The following PELI2 variants were observed in gnomAD, a reference collection of about 807,000 sequenced individuals.
The protein encoded by PELI2 is E3 ubiquitin-protein ligase pellino homolog 2.
PELI2 carries 23 observed loss-of-function variants against 42.3 expected under a neutral mutation model. The observed-to-expected ratio is 0.54, with a 90% CI of 0.39 to 0.77. PELI2 has a LOEUF of 0.77. PELI2 is among the 30% of genes least tolerant of loss of function. The pLI, the probability that PELI2 is intolerant of heterozygous loss-of-function variation, is 0.00. For missense variants in PELI2, 463 were observed against 553.2 expected, an observed-to-expected ratio of 0.84 and a Z score of 1.64; for synonymous variants, 245 against 212.2, an observed-to-expected ratio of 1.15 and a Z score of -1.34.
At chr14:56,275,330 C>T (rs1048974408) in intron 2 of PELI2, among the ~76,000 whole-genome samples, 3 of 152,074 alleles carry the variant, frequency 2.0e-5, no homozygotes, top group African/African-American at 4.8e-5. Flanking sequence ...CTCCACGGAC[C>T]GGGGAGGCAC....
At chr14:56,125,386 G>T (rs1185009995) in intron 1 of PELI2, among the ~76,000 whole-genome samples, 1 of 140,130 alleles carries the variant, frequency 7.1e-6, no homozygotes, top group African/African-American at 2.6e-5. Flanking sequence ...ACTAAAGCAG[G>T]ATAAGGAGGA....
chr14:56,245,712 T>C (rs753160802), intron 2 of PELI2, among the ~76,000 whole-genome samples: 2 of 152,190 alleles, frequency 1.3e-5, no homozygotes, highest in Non-Finnish European at 2.9e-5. Context: ...GTTCTGCATC[T>C]GCAGATCCAA....
chr14:56,167,032 G>T (rs560192592), intron 1 of PELI2, among the ~76,000 whole-genome samples: 1 of 151,992 alleles, frequency 6.6e-6, no homozygotes, highest in African/African-American at 2.4e-5. Context: ...CTCATGATCC[G>T]CCCGCCTCAG....
At chr14:56,128,716 G>A (rs1161354776) in intron 1 of PELI2, among the ~76,000 whole-genome samples, 1 of 152,118 alleles carries the variant, frequency 6.6e-6, no homozygotes, top group African/African-American at 2.4e-5. Flanking sequence ...TTGGGGTATT[G>A]TTGGGGTATT....
At chr14:56,159,629 G>A (rs1011485641) in intron 1 of PELI2, among the ~76,000 whole-genome samples, 3 of 151,580 alleles carry the variant, frequency 2.0e-5, no homozygotes, top group Non-Finnish European at 4.4e-5. Flanking sequence ...AATTACTGCA[G>A]GGCAATACTT....
Position 56,182,294 on chromosome 14 carries a change from G to A in PELI2, c.207+3830G>A, listed in dbSNP as rs568698852. 7.9e-5 allele frequency among the ~76,000 whole-genome samples: 12 copies of A among 152,202 alleles called. No homozygotes were observed. The East Asian group carries it at 2.1e-3, about 27-fold the overall frequency. ...TTTTAAATAAGGGGAAATATTGAAGGGTGTGAAGCAGAGGGAGTGACATGA... is the reference window on the plus strand; with the variant it reads ...TTTTAAATAAGGGGAAATATTGAAGAGTGTGAAGCAGAGGGAGTGACATGA... On this transcript the variant is annotated intron_variant, in intron 2 of 5. Coordinates refer to ENST00000267460, the MANE Select transcript of PELI2 (RefSeq NM_021255.3).
chr14:56,175,784 G>C (rs557828921), intron 1 of PELI2, among the ~76,000 whole-genome samples: 2 of 152,072 alleles, frequency 1.3e-5, no homozygotes, highest in Non-Finnish European at 2.9e-5. Flanking sequence ...GTTGTAACTC[G>C]TGGAAATCAA....
Position 56,296,922 on chromosome 14 carries a change from CTG to C in PELI2, c.1022_1023del (p.Val341GlyfsTer11). ...GAGAGGGAGTGTCCCATGTGCAGGACTGTGGGCCCCTATGTGCCTCTCTGGCT... is the reference window on the plus strand; with the variant it reads ...GAGAGGGAGTGTCCCATGTGCAGGACTGGGCCCCTATGTGCCTCTCTGGCT... On this transcript the variant is annotated frameshift_variant, in exon 6 of 6. Transcript: ENST00000267460. LOFTEE classifies it high-confidence loss of function. The C allele has an allele frequency of 6.2e-7, 1 of 1,614,146 alleles. No homozygotes were observed.
rs574069007 is a variant in PELI2, at chr14:56,219,187, G to GTTTA, written c.207+40739_207+40742dup. Among the ~76,000 whole-genome samples, 179 of 151,384 alleles carry GTTTA rather than the reference G, an allele frequency of 1.2e-3. No individual in the cohort carries two copies. The highest frequency in any genetic ancestry group is 7.2e-3 in the East Asian group (37 of 5,158). ...ATGACTTGAGGACAATAAGGTGTTT[G>GTTTA]TTTATTTATTTATTTATTTTGGTTT... On this transcript the variant is annotated intron_variant, in intron 2 of 5. Transcript: ENST00000267460. The surrounding 1 kb of genome is among the most constrained non-coding windows in gnomAD (Gnocchi z 4.1).
rs1491572986 is a variant in PELI2 at position 56,298,116 on chromosome 14, C to CT, written c.*953dup. 6.7e-6 allele frequency: 1 copy of CT among 149,922 alleles called. No homozygotes were observed. The highest frequency in any genetic ancestry group is 1.5e-5 in the Non-Finnish European group (1 of 67,436). The allele number at this position is 149,922 out of a possible 1,614,324, so 9.3% of individuals were successfully genotyped here. ...ATAAAGCTTGGGGTTTTTTTTTTTC[C>CT]TTTGTTAAGAAAGCCAACCAATCAC... On this transcript the variant is annotated 3_prime_UTR_variant, in exon 6 of 6. Transcript: ENST00000267460.
At chr14:56,151,986 C>G (rs906232798) in intron 1 of PELI2, among the ~76,000 whole-genome samples, 3 of 152,164 alleles carry the variant, frequency 2.0e-5, no homozygotes, top group African/African-American at 7.2e-5. Flanking sequence ...GACCCAGCTT[C>G]CATTCATGCT....
At chr14:56,227,111 A>T (rs10147472) in intron 2 of PELI2, among the ~76,000 whole-genome samples, 20 of 152,392 alleles carry the variant, frequency 1.3e-4, no homozygotes, top group African/African-American at 4.8e-4. Flanking sequence ...AAAGATAGTT[A>T]CCAAGTTCTC....
At chr14:56,124,865 T>C (rs546169709) in intron 1 of PELI2, among the ~76,000 whole-genome samples, 18 of 152,202 alleles carry the variant, frequency 1.2e-4, no homozygotes, top group Non-Finnish European at 2.2e-4. Flanking sequence ...AGAAACACTC[T>C]TTATGGCTAG....
At chr14:56,268,147 A>G (rs1888972766) in intron 2 of PELI2, among the ~76,000 whole-genome samples, 1 of 152,220 alleles carries the variant, frequency 6.6e-6, no homozygotes, top group Non-Finnish European at 1.5e-5. Flanking sequence ...CAAGTTATGT[A>G]CCTTGTTTTA....
At position 56,299,290 on chromosome 14, in the gene PELI2, C is replaced by A. The variant is rs935367789; in HGVS notation, c.*2124C>A. 2 of 152,204 alleles carry A rather than the reference C, an allele frequency of 1.3e-5. No homozygotes were observed. The highest frequency in any genetic ancestry group is 4.8e-5 in the African/African-American group (2 of 41,446). The allele number at this position is 152,204 out of a possible 1,614,324, so 9.4% of individuals were successfully genotyped here. A position where few individuals can be genotyped will look rare whatever the true frequency, so the allele number is the denominator to read the frequency against. The stretch of plus-strand genomic sequence containing the variant: ...GTTTATAAGTCTAGTCATTCTGCAA[C>A]GTGACATATCCCCCAAAATGAAGTT... On this transcript the variant is annotated 3_prime_UTR_variant, in exon 6 of 6. Coordinates refer to ENST00000267460, the MANE Select transcript of PELI2 (RefSeq NM_021255.3).
intron 2 of PELI2, among the ~76,000 whole-genome samples, chr14:56,205,577 G>A (rs1409617082): frequency 6.6e-6 from 1 of 152,140 alleles, no homozygotes; most frequent in African/African-American, 2.4e-5. Context: ...TGGAAGCTTA[G>A]ATAAAGGCAG....
chr14:56,126,195 G>T (rs1437821802), intron 1 of PELI2, among the ~76,000 whole-genome samples: 1 of 152,196 alleles, frequency 6.6e-6, no homozygotes, highest in Admixed American at 6.5e-5. Flanking sequence ...TCCACCAGCT[G>T]CTCGGAGCTG....
In PELI2 at chr14:56,118,746, T is replaced by C; in HGVS notation, c.77+9T>C. 2 of 1,486,982 alleles carry C rather than the reference T, an allele frequency of 1.3e-6. No individual in the cohort carries two copies. The highest frequency in any genetic ancestry group is 1.8e-6 in the Non-Finnish European group (2 of 1,110,718). The allele number at this position is 1,486,982 out of a possible 1,614,324, so 92.1% of individuals were successfully genotyped here. A position where few individuals can be genotyped will look rare whatever the true frequency, so the allele number is the denominator to read the frequency against. ...GAGCTGGTGGTGCTCGGGTGAGTCCTGGGGTCCCTGGTCCCGGGCAGCGGC... is the reference window on the plus strand; with the variant it reads ...GAGCTGGTGGTGCTCGGGTGAGTCCCGGGGTCCCTGGTCCCGGGCAGCGGC... On this transcript the variant is annotated intron_variant, in intron 1 of 5. Transcript: ENST00000267460.
intron 2 of PELI2, among the ~76,000 whole-genome samples, chr14:56,249,770 G>A (rs1222871362): frequency 1.3e-5 from 2 of 152,214 alleles, no homozygotes; most frequent in Admixed American, 1.3e-4. Flanking sequence ...GAGACTGAGA[G>A]TGACTGACAC....
Sources: gnomAD v4.1 joint callset for allele counts (sites outside exome capture counted in the v4.1 genomes callset) on GRCh38, gnomAD v4.1.1 for gene constraint, Gnocchi (gnomAD v3.1) non-coding constraint, MANE v1.5 for transcripts, NCBI Gene and HGNC (gene_info 2026-07-23, HGNC 2026-07-21) for gene names.